CAMSAP1: variants seen among roughly 807,000 people sequenced by gnomAD.
CAMSAP1 encodes the protein calmodulin regulated spectrin associated protein 1.
Under a neutral mutation model 143.5 loss-of-function variants are expected in CAMSAP1, and 58 were observed. The ratio of observed to expected loss-of-function variants is 0.40; its 90% CI spans 0.33 to 0.50. The LOEUF is 0.50. Among genes scored for constraint, CAMSAP1 ranks in the 20% least tolerant of loss-of-function variants. The pLI, the probability that CAMSAP1 is intolerant of heterozygous loss-of-function variation, is 0.45. For missense variants in CAMSAP1, 1,969 were observed against 2,115.7 expected (o/e 0.93, Z 1.36); for synonymous variants, 945 against 859.3 (o/e 1.10, Z -1.74).
Position 135,824,858 on chromosome 9 carries a change from T to C in CAMSAP1, c.1246A>G (p.Ser416Gly), listed in dbSNP as rs1034836428. 1 of 1,600,826 alleles carries C rather than the reference T, an allele frequency of 6.2e-7. No homozygotes were observed. Among genetic ancestry groups the C allele is most frequent in the Non-Finnish European group, 8.5e-7 (1 of 1,173,478 alleles). ...EYLGKGTAAF[S>G]PSHPLLPLRQ... Reference sequence around the variant, plus strand: ...AGTGGCAATAAAGGATGGGATGGGCTGAAGGCAGCAGTTCCTTTCCCGCTA... The same window carrying C: ...AGTGGCAATAAAGGATGGGATGGGCCGAAGGCAGCAGTTCCTTTCCCGCTA... Residue 416 changes from serine (S) to glycine (G), a missense_variant, in exon 9 of 17, where the codon AGC (serine) becomes GGC (glycine). Around this residue, in one of 4 missense-constraint regions of CAMSAP1, gnomAD observed 1,390 missense variants for 1,420.8 expected, o/e 0.98. Transcript: ENST00000389532. This position sits in a 1 kb window ranked among gnomAD's most constrained non-coding sequence, Gnocchi z 4.1.
intron 5 of CAMSAP1, among the ~76,000 whole-genome samples, chr9:135,859,231 T>G (rs931270153): frequency 6.6e-6 from 1 of 152,206 alleles, no homozygotes; most frequent in African/African-American, 2.4e-5. Context: ...GGCTCCCATG[T>G]TTGTCTTTAC....
chr9:135,850,296 C>T, intron 6 of CAMSAP1, 26 bp downstream of exon 6: 2 of 1,611,038 alleles, frequency 1.2e-6, no homozygotes, highest in Non-Finnish European at 1.7e-6. Context: ...GGTTTTAAAA[C>T]TGCATGCCAA....
In CAMSAP1 at chr9:135,819,112, T is replaced by G; in HGVS notation, c.3857A>C (p.Lys1286Thr). ...EQKAEDELAK[K>T]RAAFLLKQQR... ...CTGCTTCAGGAGGAAGGCCGCCCGCTTCTTGGCGAGCTCATCTTCCGCTTT... is the reference window on the plus strand; with the variant it reads ...CTGCTTCAGGAGGAAGGCCGCCCGCGTCTTGGCGAGCTCATCTTCCGCTTT... Residue 1286 changes from lysine (K) to threonine (T), a missense_variant, in exon 12 of 17, where the codon AAG becomes ACG. By Grantham distance (78) the Lys-to-Thr change is moderately conservative. Around this residue, in one of 4 missense-constraint regions of CAMSAP1, gnomAD observed 1,390 missense variants for 1,420.8 expected, o/e 0.98. Coordinates refer to ENST00000389532, the MANE Select transcript of CAMSAP1 (RefSeq NM_015447.4). 1 of 1,602,016 alleles carries G rather than the reference T, an allele frequency of 6.2e-7. No homozygotes were observed. Among genetic ancestry groups the G allele is most frequent in the Non-Finnish European group, 8.5e-7 (1 of 1,175,642 alleles).
intron 7 of CAMSAP1, 59 bp from the exon 8 acceptor site, chr9:135,827,643 C>A: frequency 1.4e-6 from 2 of 1,409,920 alleles, no homozygotes. Context: ...CACAGAAAAC[C>A]TAACCTGCAG....
intron 1 of CAMSAP1, among the ~76,000 whole-genome samples, chr9:135,886,810 C>T (rs1181662167): frequency 2.0e-5 from 3 of 152,216 alleles, no homozygotes; most frequent in African/African-American, 7.2e-5. Context: ...GCAGGCAGCC[C>T]CGGGAAGGGG....
At chr9:135,892,141 C>T (rs549293179) in intron 1 of CAMSAP1, among the ~76,000 whole-genome samples, 76 of 152,138 alleles carry the variant, frequency 5.0e-4, no homozygotes, top group Non-Finnish European at 8.8e-4. Flanking sequence ...TGAAAGACAC[C>T]AATTTACAGG....
intron 1 of CAMSAP1, among the ~76,000 whole-genome samples, chr9:135,886,911 G>A (rs1480264550): frequency 6.6e-6 from 1 of 152,240 alleles, no homozygotes; most frequent in Non-Finnish European, 1.5e-5. Flanking sequence ...GCCTGGAGCA[G>A]GACGGTCCCT....
At chr9:135,872,071 A>T (rs1837587799) in intron 3 of CAMSAP1, among the ~76,000 whole-genome samples, 1 of 152,006 alleles carries the variant, frequency 6.6e-6, no homozygotes, top group Non-Finnish European at 1.5e-5. Context: ...TTGCACTCCA[A>T]CCTGGGTAAC....
At chr9:135,866,771 C>T (rs542018709) in intron 3 of CAMSAP1, among the ~76,000 whole-genome samples, 13 of 152,256 alleles carry the variant, frequency 8.5e-5, no homozygotes, top group Admixed American at 2.6e-4. Flanking sequence ...CCAATGCCAG[C>T]GCAGTGCTCC....
intron 1 of CAMSAP1, among the ~76,000 whole-genome samples, chr9:135,897,995 A>G (rs1024011812): frequency 2.6e-5 from 4 of 152,192 alleles, no homozygotes; most frequent in African/African-American, 9.6e-5. Flanking sequence ...AAAACAACAT[A>G]TATGTGAGAT....
chr9:135,859,683 C>T (rs1001577512), intron 5 of CAMSAP1, among the ~76,000 whole-genome samples: 2 of 151,878 alleles, frequency 1.3e-5, no homozygotes, highest in South Asian at 2.1e-4. Context: ...TGAGCCACCG[C>T]GCCTGGCCGT....
intron 5 of CAMSAP1, among the ~76,000 whole-genome samples, chr9:135,860,595 C>A (rs1418352361): frequency 9.5e-6 from 1 of 105,364 alleles, no homozygotes; most frequent in African/African-American, 4.1e-5. Context: ...AAGACTCTGC[C>A]TCAAAAAAAA....
Position 135,822,667 on chromosome 9 carries a change from G to A in CAMSAP1, c.1994C>T (p.Thr665Ile), listed in dbSNP as rs779089635. ...CSEFPMGIDP[T>I]ETGPLSVETA... The stretch of plus-strand genomic sequence containing the variant: ...TTCCACTGACAGTGGTCCTGTCTCG[G>A]TGGGGTCGATGCCCATGGGGAATTC... The change falls in exon 11 of 17, where the codon ACC (threonine) becomes ATC (isoleucine). Residue 665 changes from threonine to isoleucine, a missense_variant. By Grantham distance (89) the Thr-to-Ile change is moderately conservative (BLOSUM62 -1). Transcript: ENST00000389532. This position sits in a 1 kb window ranked among gnomAD's most constrained non-coding sequence, Gnocchi z 6.1. 1.2e-6 allele frequency: 2 copies of A among 1,609,760 alleles called. No individual in the cohort carries two copies. Among genetic ancestry groups the A allele is most frequent in the Non-Finnish European group, 1.7e-6 (2 of 1,177,596 alleles).
chr9:135,811,258 G>C lies in CAMSAP1; in HGVS notation c.*51C>G, dbSNP rs1835039578. 1 of 1,570,980 alleles carries C rather than the reference G, an allele frequency of 6.4e-7. No individual in the cohort carries two copies. The highest frequency in any genetic ancestry group is 8.7e-7 in the Non-Finnish European group (1 of 1,155,180). On this transcript the variant is annotated 3_prime_UTR_variant, in exon 17 of 17. Transcript: ENST00000389532. This position sits in a 1 kb window ranked among gnomAD's most constrained non-coding sequence, Gnocchi z 4.9. ...GGCACCCTCTGGATGCCAGCCACAA[G>C]GGCATCATTTACGAGTCTGGGTCAC...
At chr9:135,867,805 A>G (rs773551873) in intron 3 of CAMSAP1, among the ~76,000 whole-genome samples, 2 of 152,236 alleles carry the variant, frequency 1.3e-5, no homozygotes, top group African/African-American at 4.8e-5. Flanking sequence ...CAAGAGGGGA[A>G]CCCTGTAAGC....
In CAMSAP1 at chr9:135,809,339, AG is replaced by A. The variant is rs1430812920; in HGVS notation, c.*1969del. ...AACTACACGCTTAAGGACAAGTTTC[AG>A]GATGTTCCACACACTGACTCATTCC... On this transcript the variant is annotated 3_prime_UTR_variant, in exon 17 of 17. Coordinates refer to ENST00000389532, the MANE Select transcript of CAMSAP1 (RefSeq NM_015447.4). The A allele has an allele frequency of 6.6e-6, 1 of 152,252 alleles. No homozygotes were observed. The highest frequency in any genetic ancestry group is 1.5e-5 in the Non-Finnish European group (1 of 68,034). 9.4% of individuals were successfully genotyped at this position (152,252 alleles called of 1,614,324 possible).
intron 15 of CAMSAP1, 133 bp from the exon 16 acceptor site, chr9:135,815,348 G>A: frequency 2.0e-6 from 1 of 498,584 alleles, no homozygotes. Flanking sequence ...ATTTAAAAAT[G>A]GGAAGTAAAA....
At chr9:135,894,516 C>T (rs1009276835) in intron 1 of CAMSAP1, among the ~76,000 whole-genome samples, 1 of 152,242 alleles carries the variant, frequency 6.6e-6, no homozygotes, top group Admixed American at 6.5e-5. Flanking sequence ...AGGCAGCACG[C>T]TGCCCAGCCT....
chr9:135,814,496 G>A (rs771912139), intron 16 of CAMSAP1, among the ~76,000 whole-genome samples: 9 of 152,158 alleles, frequency 5.9e-5, no homozygotes, highest in Non-Finnish European at 1.3e-4. Flanking sequence ...GCCCCTCAGG[G>A]GCCAGCCTAG....
Sources: allele counts gnomAD v4.1 joint callset (sites outside exome capture counted in the v4.1 genomes callset), GRCh38; gene constraint gnomAD v4.1.1; regional missense constraint gnomAD v4.1.1; non-coding constraint Gnocchi (gnomAD v3.1); transcripts MANE v1.5; gene names NCBI Gene and HGNC (gene_info 2026-07-23, HGNC 2026-07-21).